ESRRG: variants seen among roughly 807,000 people sequenced by gnomAD.
The protein encoded by ESRRG is estrogen related receptor gamma.
In ESRRG, 13 loss-of-function variants were observed where a neutral mutation model predicts 44.0. The observed-to-expected ratio is 0.30, with a 90% CI of 0.19 to 0.47. The LOEUF is 0.47. ESRRG is among the 20% of genes least tolerant of loss of function. ESRRG has a pLI of 1.00. For missense variants in ESRRG, 395 were observed against 580.6 expected (o/e 0.68, Z 3.29); for synonymous variants, 215 against 214.6 (o/e 1.00, Z -0.02).
rs77215254 is a variant in ESRRG at position 216,718,198 on chromosome 1, A to G, written c.56+5046T>C. 4.6e-5 allele frequency among the ~76,000 whole-genome samples: 7 copies of G among 151,992 alleles called. No homozygotes were observed. In the East Asian group the frequency reaches 1.2e-3, roughly 25 times the overall value. On this transcript the variant is annotated intron_variant, in intron 1 of 6. Transcript: ENST00000408911. ...TCCAGGTTAAAATCATGCCTGGCAA[A>G]TTTAACTGGCAACTAACTGATTAGA...
At chr1:216,544,971 T>C (rs2054043116) in intron 5 of ESRRG, among the ~76,000 whole-genome samples, 1 of 151,898 alleles carries the variant, frequency 6.6e-6, no homozygotes, top group Non-Finnish European at 1.5e-5. Flanking sequence ...GAATTATGTA[T>C]CCTCATATAT....
intron 3 of ESRRG, among the ~76,000 whole-genome samples, chr1:216,589,463 G>T (rs1478668557): frequency 6.6e-6 from 1 of 152,120 alleles, no homozygotes; most frequent in Non-Finnish European, 1.5e-5. Context: ...ACCCAGGAAA[G>T]CCAAAAGATT....
intron 2 of ESRRG, among the ~76,000 whole-genome samples, chr1:216,741,380 C>T (rs1188138298): frequency 6.7e-6 from 1 of 150,206 alleles, no homozygotes; most frequent in Non-Finnish European, 1.5e-5. Flanking sequence ...ATGTGTGGAC[C>T]CCTCAGGCTA....
At chr1:217,133,074 G>A (rs1488465421) in intron 1 of ESRRG, among the ~76,000 whole-genome samples, 1 of 152,206 alleles carries the variant, frequency 6.6e-6, no homozygotes, top group African/African-American at 2.4e-5. Flanking sequence ...GGGCTCTAGA[G>A]GTCAGGCCAC....
At chr1:216,612,596 G>A (rs1164266230) in intron 3 of ESRRG, among the ~76,000 whole-genome samples, 1 of 152,106 alleles carries the variant, frequency 6.6e-6, no homozygotes, top group Non-Finnish European at 1.5e-5. Context: ...CACATCAGCA[G>A]AGCTTAGCCC....
intron 1 of ESRRG, among the ~76,000 whole-genome samples, chr1:217,109,358 A>G (rs2092635489): frequency 6.6e-6 from 1 of 152,244 alleles, no homozygotes; most frequent in South Asian, 2.1e-4. Context: ...TCTTTTCTAT[A>G]TACTTTTTCA....
At chr1:216,779,351 AATATT>A (rs2093788474) in intron 2 of ESRRG, among the ~76,000 whole-genome samples, 7 of 63,072 alleles carry the variant, frequency 1.1e-4, no homozygotes, top group Admixed American at 2.4e-4. Context: ...ATAAACATAA[AATATT>A]TATATTTATT....
intron 1 of ESRRG, among the ~76,000 whole-genome samples, chr1:217,066,333 C>T (rs2089678696): frequency 6.8e-6 from 1 of 147,424 alleles, no homozygotes; most frequent in African/African-American, 2.5e-5. Context: ...CGGCTCACTT[C>T]AAGCTCCGCC....
chr1:217,082,610 C>A (rs2091842026), intron 1 of ESRRG, among the ~76,000 whole-genome samples: 1 of 152,018 alleles, frequency 6.6e-6, no homozygotes, highest in African/African-American at 2.4e-5. Context: ...CATCTCACAG[C>A]TCAGTTAAGT....
intron 1 of ESRRG, among the ~76,000 whole-genome samples, chr1:216,682,865 C>T (rs1341914159): frequency 6.6e-6 from 1 of 152,030 alleles, no homozygotes; most frequent in Non-Finnish European, 1.5e-5. Flanking sequence ...CGCTACTTTA[C>T]AATGAGCTTT....
At chr1:216,723,463 A>G, upstream of ESRRG, 1 of 636,256 alleles carries the variant, frequency 1.6e-6, no homozygotes, top group Non-Finnish European at 2.8e-6. Context: ...TAAAGCCCCG[A>G]TTGGAGCTTA....
intron 2 of ESRRG, among the ~76,000 whole-genome samples, chr1:216,872,380 G>A (rs2096270969): frequency 6.6e-6 from 1 of 152,096 alleles, no homozygotes; most frequent in Non-Finnish European, 1.5e-5. Flanking sequence ...CTTCAAGTGT[G>A]TTTTAGCACC....
chr1:216,986,562 A>C (rs2074905435), intron 1 of ESRRG, among the ~76,000 whole-genome samples: 1 of 151,878 alleles, frequency 6.6e-6, no homozygotes, highest in African/African-American at 2.4e-5. Context: ...TAATAATAAT[A>C]ATAATAATAC....
intron 2 of ESRRG, among the ~76,000 whole-genome samples, chr1:216,768,855 A>C (rs1037021628): frequency 2.0e-5 from 3 of 152,104 alleles, no homozygotes; most frequent in African/African-American, 4.8e-5. Context: ...AGAAAAGTGA[A>C]TATCTTGTCT....
At chr1:217,069,779 C>T (rs1417444333) in intron 1 of ESRRG, among the ~76,000 whole-genome samples, 2 of 152,066 alleles carry the variant, frequency 1.3e-5, no homozygotes, top group South Asian at 4.2e-4. Context: ...GGGAAGACAC[C>T]ATAGTGTCTG....
intron 5 of ESRRG, among the ~76,000 whole-genome samples, chr1:216,531,261 TG>T (rs756851730): frequency 2.0e-5 from 3 of 152,138 alleles, no homozygotes; most frequent in Non-Finnish European, 4.4e-5. Context: ...GCATAATTTG[TG>T]TTCTGGACAG....
chr1:216,532,620 G>A (rs2049725405), intron 5 of ESRRG, among the ~76,000 whole-genome samples: 1 of 152,138 alleles, frequency 6.6e-6, no homozygotes. Context: ...CTCGGTGTGT[G>A]AGTAAGAATG....
upstream of ESRRG, among the ~76,000 whole-genome samples, chr1:216,725,359 G>T (rs2152094276): frequency 6.6e-6 from 1 of 152,152 alleles, no homozygotes; most frequent in Middle Eastern, 3.4e-3. Flanking sequence ...CTGCAATTAA[G>T]ATGTAAATTT....
At chr1:216,654,986 T>G (rs185196605) in intron 2 of ESRRG, among the ~76,000 whole-genome samples, 8 of 152,254 alleles carry the variant, frequency 5.3e-5, no homozygotes, top group Admixed American at 5.2e-4. Context: ...CTAGGAATAA[T>G]TACGTAAAGA....
Sources: gnomAD v4.1 joint callset for allele counts (sites outside exome capture counted in the v4.1 genomes callset) on GRCh38, gnomAD v4.1.1 for gene constraint, MANE v1.5 for transcripts, NCBI Gene and HGNC (gene_info 2026-07-23, HGNC 2026-07-21) for gene names.